Variants in MAML2 observed in about 807,000 individuals in gnomAD.
MAML2 encodes mastermind like transcriptional coactivator 2.
Under a neutral mutation model 96.1 loss-of-function variants are expected in MAML2, and 22 were observed. The ratio of observed to expected loss-of-function variants is 0.23; its 90% CI spans 0.16 to 0.33. The LOEUF (loss-of-function observed/expected upper bound fraction) is 0.33. Among genes scored for constraint, MAML2 ranks in the 10% least tolerant of loss-of-function variants. MAML2 has a pLI of 1.00. For synonymous variants in MAML2, 561 were observed against 521.3 expected, an observed-to-expected ratio of 1.08 and a Z score of -1.04; for missense variants, 1,367 against 1,392.4, an observed-to-expected ratio of 0.98 and a Z score of 0.29.
intron 2 of MAML2, among the ~76,000 whole-genome samples, chr11:96,034,456 A>AGTGTGTGTGT (rs1554998954): frequency 2.3e-4 from 34 of 144,734 alleles, no homozygotes; most frequent in African/African-American, 7.1e-4. Flanking sequence ...AGAGAGAGAG[A>AGTGTGTGTGT]GTGTGTGTGT....
chr11:96,264,024 A>C (rs1253846620), intron 1 of MAML2, among the ~76,000 whole-genome samples: 1 of 152,250 alleles, frequency 6.6e-6, no homozygotes, highest in African/African-American at 2.4e-5. Flanking sequence ...GTTATAATTC[A>C]AAAAAGACCC....
chr11:96,218,831 T>C (rs1862089002), intron 1 of MAML2, among the ~76,000 whole-genome samples: 1 of 152,256 alleles, frequency 6.6e-6, no homozygotes, highest in South Asian at 2.1e-4. Flanking sequence ...TCCCATGGAA[T>C]ATTTGAAACA....
At chr11:96,049,325 A>G (rs891951151) in intron 2 of MAML2, among the ~76,000 whole-genome samples, 10 of 152,232 alleles carry the variant, frequency 6.6e-5, no homozygotes, top group Non-Finnish European at 8.8e-5. Context: ...CATAAAATGA[A>G]GATTTCCCTT....
Position 96,092,866 on chromosome 11 carries a change from G to T in MAML2, c.1165C>A (p.Pro389Thr). ...SPQLRPPSAG[P>T]AFSMANSALS... Reference sequence around the variant, plus strand: ...GCAGAGTTGGCCATGGAGAATGCGGGGCCAGCTGATGGGGGCCTCAGCTGA... The same window carrying T: ...GCAGAGTTGGCCATGGAGAATGCGGTGCCAGCTGATGGGGGCCTCAGCTGA... Residue 389 changes from proline (P) to threonine (T), a missense_variant, in exon 2 of 5, where the codon CCC becomes ACC. Physicochemically the swap from Pro to Thr is conservative, Grantham distance 38. Coordinates refer to ENST00000524717, the MANE Select transcript of MAML2 (RefSeq NM_032427.4). This position sits in a 1 kb window ranked among gnomAD's most constrained non-coding sequence, Gnocchi z 4.1. The T allele has an allele frequency of 1.2e-6, 2 of 1,606,414 alleles. No homozygotes were observed. Among genetic ancestry groups the T allele is most frequent in the Non-Finnish European group, 1.7e-6 (2 of 1,175,770 alleles).
At chr11:96,107,291 A>G (rs146600434) in intron 1 of MAML2, among the ~76,000 whole-genome samples, 69 of 152,246 alleles carry the variant, frequency 4.5e-4, no homozygotes, top group African/African-American at 1.5e-3. Flanking sequence ...TCTGTCTTCT[A>G]TGAGATAGGA....
intron 1 of MAML2, among the ~76,000 whole-genome samples, chr11:96,096,847 C>G (rs74790883): frequency 0.021 from 3,219 of 152,214 alleles, 115 homozygotes; most frequent in African/African-American, 0.073. Flanking sequence ...CACCACCAAG[C>G]ACAGCTGGAG....
At chr11:96,215,307 C>T (rs1862032210) in intron 1 of MAML2, among the ~76,000 whole-genome samples, 3 of 152,236 alleles carry the variant, frequency 2.0e-5, no homozygotes, top group Admixed American at 1.3e-4. Flanking sequence ...CCAGCACTGA[C>T]ATCCTTCCAA....
intron 2 of MAML2, among the ~76,000 whole-genome samples, chr11:96,048,740 C>T (rs1434960456): frequency 6.6e-6 from 1 of 151,850 alleles, no homozygotes; most frequent in Non-Finnish European, 1.5e-5. Flanking sequence ...AAGAAAATAC[C>T]CATTTATGGT....
At chr11:96,141,851 T>C (rs1377971375) in intron 1 of MAML2, among the ~76,000 whole-genome samples, 1 of 152,198 alleles carries the variant, frequency 6.6e-6, no homozygotes, top group Non-Finnish European at 1.5e-5. Context: ...GAGCTGGCAC[T>C]GTGGCCAACA....
rs577353880 is a variant in MAML2, at chr11:96,325,842, G to A, written c.513+15541C>T. On this transcript the variant is annotated intron_variant, in intron 1 of 4. Coordinates refer to ENST00000524717, the MANE Select transcript of MAML2 (RefSeq NM_032427.4). ...ACTGGCCAAAGTAGCACACAGCCTGGGCCAAAAAGACCACTGTGCAGGCAG... is the reference window on the plus strand; with the variant it reads ...ACTGGCCAAAGTAGCACACAGCCTGAGCCAAAAAGACCACTGTGCAGGCAG... Among the ~76,000 whole-genome samples, 230 of 152,184 alleles carry A rather than the reference G, an allele frequency of 1.5e-3. 1 individual carries two copies. The highest frequency in any genetic ancestry group is 5.3e-3 in the African/African-American group (220 of 41,514).
intron 2 of MAML2, among the ~76,000 whole-genome samples, chr11:96,025,720 AT>A (rs369902252): frequency 0.02 from 2,939 of 149,746 alleles, 99 homozygotes; most frequent in African/African-American, 0.069. Flanking sequence ...TACCCAACTA[AT>A]TTTTTTTTTC....
At chr11:95,990,867 T>C (rs1268660390) in intron 3 of MAML2, among the ~76,000 whole-genome samples, 10 of 152,160 alleles carry the variant, frequency 6.6e-5, no homozygotes, top group Admixed American at 6.5e-4. Context: ...AGATAAATAC[T>C]GAAGGAGGGT....
At chr11:96,195,747 G>T (rs1428366010) in intron 1 of MAML2, among the ~76,000 whole-genome samples, 2 of 152,202 alleles carry the variant, frequency 1.3e-5, no homozygotes, top group Non-Finnish European at 2.9e-5. Context: ...TGGTCAAAAG[G>T]CAAGGGCCAG....
chr11:96,269,114 T>C (rs769342800), intron 1 of MAML2, among the ~76,000 whole-genome samples: 1 of 145,062 alleles, frequency 6.9e-6, no homozygotes, highest in Non-Finnish European at 1.5e-5. Context: ...TTATTGGAAC[T>C]GCTAGAGGGA....
intron 1 of MAML2, among the ~76,000 whole-genome samples, chr11:96,139,095 T>C (rs925106617): frequency 5.9e-5 from 9 of 152,200 alleles, no homozygotes; most frequent in African/African-American, 2.2e-4. Flanking sequence ...ATAAAACCTT[T>C]TTCCATATAT....
At chr11:96,226,109 T>C (rs1862206668) in intron 1 of MAML2, among the ~76,000 whole-genome samples, 1 of 152,206 alleles carries the variant, frequency 6.6e-6, no homozygotes, top group Admixed American at 6.5e-5. Context: ...TGCATGTTTT[T>C]AAAGGCTCAA....
At chr11:96,289,672 G>A (rs962274741) in intron 1 of MAML2, among the ~76,000 whole-genome samples, 2 of 152,118 alleles carry the variant, frequency 1.3e-5, no homozygotes, top group East Asian at 1.9e-4. Flanking sequence ...AGTTTTAAGG[G>A]AATATGTGCA....
chr11:96,165,565 T>C (rs967746276), intron 1 of MAML2, among the ~76,000 whole-genome samples: 23 of 152,240 alleles, frequency 1.5e-4, no homozygotes, highest in African/African-American at 5.1e-4. Context: ...AATGGCTTTA[T>C]TGAGGTATAT....
intron 1 of MAML2, among the ~76,000 whole-genome samples, chr11:96,145,385 C>A (rs1464664095): frequency 2.0e-5 from 3 of 152,202 alleles, no homozygotes; most frequent in Admixed American, 2.0e-4. Flanking sequence ...CTGCAAAAAT[C>A]TCTACAGAAA....
Sources: allele counts gnomAD v4.1 joint callset (sites outside exome capture counted in the v4.1 genomes callset), GRCh38; gene constraint gnomAD v4.1.1; non-coding constraint Gnocchi (gnomAD v3.1); transcripts MANE v1.5; gene names NCBI Gene and HGNC (gene_info 2026-07-23, HGNC 2026-07-21).